The following PPFIA1 variants were observed in gnomAD, a reference collection of about 807,000 sequenced individuals.
PPFIA1 encodes PPFI scaffold protein A1, also known as liprin-alpha-1.
Under a neutral mutation model 149.9 loss-of-function variants are expected in PPFIA1, and 25 were observed. The ratio of observed to expected loss-of-function variants is 0.17; its 90% CI spans 0.12 to 0.23. The LOEUF is 0.23. Among genes scored for constraint, PPFIA1 ranks in the 10% least tolerant of loss-of-function variants. PPFIA1 has a pLI of 1.00. For synonymous variants in PPFIA1, 549 were observed against 552.8 expected (o/e 0.99, Z 0.10); for missense variants, 1,362 against 1,506.5 (o/e 0.90, Z 1.59).
rs116467270 is a variant in PPFIA1 at position 70,315,413 on chromosome 11, T to C, written c.265-8989T>C. Among the ~76,000 whole-genome samples the C allele has an allele frequency of 5.2e-3, 796 of 152,314 alleles. 11 individuals carry two copies. Among genetic ancestry groups the C allele is most frequent in the African/African-American group, 0.016 (674 of 41,564 alleles). On this transcript the variant is annotated intron_variant, in intron 2 of 27. Coordinates refer to ENST00000253925, the MANE Select transcript of PPFIA1 (RefSeq NM_003626.5). ...CTATGGACTGACGGGCAGATAGATATAGATGTTTATTAGCATACTTTTAAT... is the reference window on the plus strand; with the variant it reads ...CTATGGACTGACGGGCAGATAGATACAGATGTTTATTAGCATACTTTTAAT...
chr11:70,355,205 T>C (rs527485384), intron 17 of PPFIA1, among the ~76,000 whole-genome samples: 1 of 152,288 alleles, frequency 6.6e-6, no homozygotes, highest in South Asian at 2.1e-4. Context: ...GCCCGGCCCC[T>C]CTTTTTTTAA....
intron 2 of PPFIA1, among the ~76,000 whole-genome samples, chr11:70,309,429 A>G (rs796687311): frequency 7.2e-5 from 11 of 152,212 alleles, no homozygotes; most frequent in African/African-American, 2.6e-4. Flanking sequence ...TTGGCCTCCC[A>G]AAGTGCTGGG....
chr11:70,272,741 G>T (rs2050166005), intron 2 of PPFIA1, among the ~76,000 whole-genome samples: 1 of 152,152 alleles, frequency 6.6e-6, no homozygotes, highest in African/African-American at 2.4e-5. Context: ...AATCTATTTG[G>T]TGCCTCCATT....
At chr11:70,375,198 A>AC (rs1255997247) in intron 24 of PPFIA1, 105 bp downstream of exon 24, 154 of 416,648 alleles carry the variant, frequency 3.7e-4, no homozygotes, top group African/African-American at 3.4e-3. Context: ...AAAAAAAAAA[A>AC]AAAACTTCAG....
intron 2 of PPFIA1, chr11:70,282,451 A>C (rs2050814256): frequency 6.6e-6 from 1 of 151,118 alleles, no homozygotes; most frequent in Non-Finnish European, 1.5e-5. Flanking sequence ...GGCATGAACC[A>C]GTGTGCCCAG....
chr11:70,320,472 C>A (rs933410049), intron 2 of PPFIA1, among the ~76,000 whole-genome samples: 1 of 147,974 alleles, frequency 6.8e-6, no homozygotes, highest in African/African-American at 2.5e-5. Context: ...GCTCTCGTCA[C>A]CCGGCCTGGA....
At chr11:70,344,936 C>T (rs1412923644) in intron 15 of PPFIA1, among the ~76,000 whole-genome samples, 1 of 152,182 alleles carries the variant, frequency 6.6e-6, no homozygotes, top group African/African-American at 2.4e-5. Context: ...AGTCCCGGCT[C>T]AATCTGGCAA....
chr11:70,378,310 A>G (rs1424684876), intron 26 of PPFIA1, 115 bp downstream of exon 26: 5 of 1,390,966 alleles, frequency 3.6e-6, no homozygotes, highest in Non-Finnish European at 4.7e-6. Context: ...GCACTTGAGT[A>G]TGGTTGCATG....
intron 21 of PPFIA1, chr11:70,364,902 G>C (rs1451369529): frequency 6.5e-6 from 1 of 153,208 alleles, no homozygotes; most frequent in Non-Finnish European, 1.5e-5. Context: ...TGGCTGCACA[G>C]AGCCATCGAC....
chr11:70,354,119 T>G (rs1052655786), intron 16 of PPFIA1, 182 bp from the exon 17 acceptor site: 2 of 582,164 alleles, frequency 3.4e-6, no homozygotes, highest in Non-Finnish European at 2.9e-6. Context: ...AGACCAGGAG[T>G]CTGACAACTC....
At chr11:70,299,265 G>A (rs2052309072) in intron 2 of PPFIA1, among the ~76,000 whole-genome samples, 1 of 152,070 alleles carries the variant, frequency 6.6e-6, no homozygotes, top group Non-Finnish European at 1.5e-5. Flanking sequence ...ACAGGTTCTG[G>A]GTAGGCCTTT....
intron 2 of PPFIA1, chr11:70,279,231 C>T: frequency 2.8e-6 from 1 of 354,280 alleles, no homozygotes. Context: ...CAAATTGGCT[C>T]TCTTGTGAGT....
In PPFIA1 at chr11:70,382,663, C is replaced by T. The variant is rs73521353; in HGVS notation, c.*13-340C>T. Among the ~76,000 whole-genome samples, 1,425 of 152,322 alleles carry T rather than the reference C, an allele frequency of 9.4e-3. 26 individuals are homozygous for T. Among genetic ancestry groups the T allele is most frequent in the African/African-American group, 0.032 (1,343 of 41,568 alleles). ...TTGGAGAGACTGGTTCTTAAAACTGCGGACTCTGGCTGGTGAGTGGCCCGC... is the reference window on the plus strand; with the variant it reads ...TTGGAGAGACTGGTTCTTAAAACTGTGGACTCTGGCTGGTGAGTGGCCCGC... On this transcript the variant is annotated intron_variant, in intron 27 of 27. Coordinates refer to ENST00000253925, the MANE Select transcript of PPFIA1 (RefSeq NM_003626.5).
intron 2 of PPFIA1, among the ~76,000 whole-genome samples, chr11:70,322,173 C>T (rs2053983158): frequency 6.6e-6 from 1 of 152,246 alleles, no homozygotes. Flanking sequence ...GCCACCATGC[C>T]TGGCCTAATA....
intron 10 of PPFIA1, among the ~76,000 whole-genome samples, chr11:70,333,881 C>G (rs2054817844): frequency 6.6e-6 from 1 of 152,168 alleles, no homozygotes; most frequent in African/African-American, 2.4e-5. Context: ...CGTGGCCCCC[C>G]TACCCCCTGC....
chr11:70,273,603 G>A (rs545344197), intron 2 of PPFIA1, among the ~76,000 whole-genome samples: 5 of 152,316 alleles, frequency 3.3e-5, no homozygotes, highest in African/African-American at 9.6e-5. Flanking sequence ...GCCTTAATGT[G>A]TTTCTTGGCT....
chr11:70,291,090 G>A (rs1438528031), intron 2 of PPFIA1, among the ~76,000 whole-genome samples: 1 of 152,088 alleles, frequency 6.6e-6, no homozygotes, highest in Non-Finnish European at 1.5e-5. Context: ...TCTCCTTGTT[G>A]GTCAGCCTGG....
At chr11:70,378,944 T>G (rs1322764961) in intron 26 of PPFIA1, among the ~76,000 whole-genome samples, 2 of 152,226 alleles carry the variant, frequency 1.3e-5, no homozygotes, top group Admixed American at 6.5e-5. Flanking sequence ...AGAGCCAGGC[T>G]GCCTAGGTTT....
intron 2 of PPFIA1, among the ~76,000 whole-genome samples, chr11:70,296,092 G>A (rs181150281): frequency 0.063 from 9,615 of 151,994 alleles, 394 homozygotes; most frequent in Non-Finnish European, 0.091. Flanking sequence ...TGGGCGGCTG[G>A]GCAGAGACGC....
Sources: gnomAD v4.1 joint callset for allele counts (sites outside exome capture counted in the v4.1 genomes callset) on GRCh38, gnomAD v4.1.1 for gene constraint, MANE v1.5 for transcripts, NCBI Gene and HGNC (gene_info 2026-07-23, HGNC 2026-07-21) for gene names.